ARL10: variants seen among roughly 807,000 people sequenced by gnomAD.
ARL10 encodes ADP-ribosylation factor-like protein 10.
In ARL10, 23 loss-of-function variants were observed where a neutral mutation model predicts 26.1. The observed-to-expected ratio is 0.88, with a 90% CI of 0.63 to 1.25. ARL10 has a LOEUF of 1.25. ARL10 is among the 50% of genes most tolerant of loss of function. The pLI is 0.00. For missense variants in ARL10, 300 were observed against 323.6 expected (o/e 0.93, Z 0.56); for synonymous variants, 138 against 149.1 (o/e 0.93, Z 0.54).
At chr5:176,392,058 A>T (rs924927313), downstream of ARL10, among the ~76,000 whole-genome samples, 1 of 152,222 alleles carries the variant, frequency 6.6e-6, no homozygotes, top group African/African-American at 2.4e-5. This position sits in a 1 kb window ranked among gnomAD's most constrained non-coding sequence, Gnocchi z 5.2. Context: ...AGCGAAATAC[A>T]CAGGGCAGTG....
downstream of ARL10, among the ~76,000 whole-genome samples, chr5:176,402,293 G>A (rs539910658): frequency 6.6e-6 from 1 of 152,318 alleles, no homozygotes; most frequent in Admixed American, 6.5e-5. Flanking sequence ...GCGAGACTCT[G>A]TCTCAAAAAA....
chr5:176,365,524 C>A lies in ARL10; in HGVS notation c.-40C>A, dbSNP rs1768247584. ...GCCATCTTCGGCGGGCGAGTGGGCT[C>A]GGCCTGTGCAACCCGCACCTGCGTC... On this transcript the variant is annotated 5_prime_UTR_variant, in exon 1 of 4. Coordinates refer to ENST00000310389, the MANE Select transcript of ARL10 (RefSeq NM_173664.6). 2 of 1,215,732 alleles carry A rather than the reference C, an allele frequency of 1.6e-6. No homozygotes were observed. The highest frequency in any genetic ancestry group is 2.0e-6 in the Non-Finnish European group (2 of 977,266). The allele number at this position is 1,215,732 out of a possible 1,614,324, so 75.3% of individuals were successfully genotyped here.
chr5:176,394,850 ACT>A (rs544288973), intron 1 of ARL10, among the ~76,000 whole-genome samples: 1 of 151,280 alleles, frequency 6.6e-6, no homozygotes, highest in South Asian at 2.1e-4. Context: ...CCTGGTCTAT[ACT>A]CTCTCTTCAG....
intron 1 of ARL10, 139 bp from the exon 2 acceptor site, chr5:176,366,241 G>A (rs1357001112): frequency 2.0e-6 from 2 of 1,006,972 alleles, no homozygotes; most frequent in East Asian, 5.3e-5. Flanking sequence ...GGCGGCGTTC[G>A]TCCCACTCAT....
At chr5:176,390,112 G>A (rs936526256), downstream of ARL10, among the ~76,000 whole-genome samples, 75 of 150,608 alleles carry the variant, frequency 5.0e-4, no homozygotes, top group African/African-American at 1.7e-3. Flanking sequence ...AACCCGGGAG[G>A]CGGAGGTTGT....
At chr5:176,369,845 G>A (rs1768478245) in intron 3 of ARL10, among the ~76,000 whole-genome samples, 1 of 151,804 alleles carries the variant, frequency 6.6e-6, no homozygotes, top group African/African-American at 2.4e-5. Context: ...TATAGTGCCA[G>A]CTACTTTAGA....
intron 1 of ARL10, chr5:176,397,466 G>GC (rs1756588141): frequency 2.5e-6 from 1 of 396,218 alleles, no homozygotes; most frequent in South Asian, 3.5e-5. Flanking sequence ...TGTCCCCACG[G>GC]CCCCCTCATG....
downstream of ARL10, chr5:176,392,780 G>T (rs745895095): frequency 1.3e-5 from 21 of 1,614,060 alleles, no homozygotes; most frequent in South Asian, 3.3e-5. The surrounding 1 kb of genome is among the most constrained non-coding windows in gnomAD (Gnocchi z 5.2). Flanking sequence ...GCACCTAGCG[G>T]GACAGTGGCG....
rs942726687 is a variant in ARL10 at position 176,375,342 on chromosome 5, CCCATCCATCCAT to C, written c.*3461_*3472del. 1 of 110,268 alleles carries C rather than the reference CCCATCCATCCAT, an allele frequency of 9.1e-6. No individual in the cohort carries two copies. The highest frequency in any genetic ancestry group is 3.2e-4 in the South Asian group (1 of 3,096). The allele number at this position is 110,268 out of a possible 1,614,324, so 6.8% of individuals were successfully genotyped here. Reference sequence around the variant, plus strand: ...CATCCATCCATCCATCCATCATCCACCCATCCATCCATCCATCCATCCATCTGTGGCTTCTAC... The same window carrying C: ...CATCCATCCATCCATCCATCATCCACCCATCCATCCATCTGTGGCTTCTAC... On this transcript the variant is annotated 3_prime_UTR_variant, in exon 4 of 4. Transcript: ENST00000310389.
Position 176,371,813 on chromosome 5 carries a change from C to T in ARL10, c.653C>T (p.Ala218Val). The change falls in exon 4 of 4, where the codon GCC becomes GTC. Residue 218 changes from alanine (A) to valine (V), a missense_variant. Physicochemically the swap from Ala to Val is moderately conservative, Grantham distance 64 (BLOSUM62 0). Transcript: ENST00000310389. ...CAGCGGGAGGTTTTCCTCTTGGCAG[C>T]CAGCATTGCCCCTGCAGGACCCACC... ...DNQREVFLLA[A>V]SIAPAGPTFE... is the part of the protein sequence containing the mutation. 1 of 1,614,194 alleles carries T rather than the reference C, an allele frequency of 6.2e-7. No individual in the cohort carries two copies. The highest frequency in any genetic ancestry group is 1.1e-5 in the South Asian group (1 of 91,084).
intron 1 of ARL10, among the ~76,000 whole-genome samples, chr5:176,394,645 T>C (rs1442215611): frequency 1.7e-5 from 2 of 115,898 alleles, no homozygotes; most frequent in African/African-American, 2.9e-5. Context: ...AAACCCCGTC[T>C]CTACTAAAAA....
chr5:176,372,176 T>G lies in ARL10; in HGVS notation c.*281T>G. The G allele has an allele frequency of 9.6e-7, 1 of 1,045,388 alleles. No homozygotes were observed. Among genetic ancestry groups the G allele is most frequent in the Non-Finnish European group, 1.3e-6 (1 of 788,116 alleles). 64.8% of individuals were successfully genotyped at this position (1,045,388 alleles called of 1,614,324 possible). ...AATGTGGATCCAGCTTTCCCTTCTC[T>G]TACCTGTACAGTGAGATGCTCAGTG... On this transcript the variant is annotated 3_prime_UTR_variant, in exon 4 of 4. Transcript: ENST00000310389.
downstream of ARL10, chr5:176,406,611 T>C (rs975122386): frequency 7.8e-7 from 1 of 1,289,278 alleles, no homozygotes; most frequent in Non-Finnish European, 1.0e-6. Flanking sequence ...TCCCTGCCCC[T>C]GGCTGTGCCA....
downstream of ARL10, among the ~76,000 whole-genome samples, chr5:176,392,219 C>G (rs897751443): frequency 1.3e-5 from 2 of 152,176 alleles, no homozygotes; most frequent in Non-Finnish European, 2.9e-5. This position sits in a 1 kb window ranked among gnomAD's most constrained non-coding sequence, Gnocchi z 5.2. Flanking sequence ...CCTCTGGGAA[C>G]CTTGGTGTCC....
chr5:176,390,285 T>G (rs561121752), downstream of ARL10, among the ~76,000 whole-genome samples: 3 of 151,198 alleles, frequency 2.0e-5, no homozygotes, highest in East Asian at 3.9e-4. Context: ...TAGCCAGCAG[T>G]TTTTCAGACT....
At chr5:176,386,185 T>C (rs948712685), downstream of ARL10, 1 of 156,052 alleles carries the variant, frequency 6.4e-6, no homozygotes, top group Admixed American at 6.2e-5. Context: ...AACCACATTT[T>C]AAAATTTTTA....
rs373443716 is a variant in ARL10 at position 176,387,165 on chromosome 5, C to G, written c.37-1130C>G. ...GTGGCACAATCTTGGTTGACTGCAA[C>G]CTCCCCCCGGGTTCAAGTGATCTCC... On this transcript the variant is annotated intron_variant, in intron 1 of 1. Transcript: ENST00000503175. 2.0e-5 allele frequency among the ~76,000 whole-genome samples: 3 copies of G among 151,976 alleles called. No homozygotes were observed. In the East Asian group the frequency reaches 5.8e-4, roughly 29 times the overall value.
chr5:176,395,036 C>T (rs908186307), intron 1 of ARL10, among the ~76,000 whole-genome samples: 3 of 152,202 alleles, frequency 2.0e-5, no homozygotes, highest in Admixed American at 2.0e-4. Flanking sequence ...GCACAACAGG[C>T]GCTTTGCAAC....
At chr5:176,402,187 A>C (rs1012900951), downstream of ARL10, among the ~76,000 whole-genome samples, 1 of 152,192 alleles carries the variant, frequency 6.6e-6, no homozygotes, top group Non-Finnish European at 1.5e-5. Context: ...CTGTAATCCC[A>C]GCTACTCAGG....
Sources: gnomAD v4.1 joint callset for allele counts (sites outside exome capture counted in the v4.1 genomes callset) on GRCh38, gnomAD v4.1.1 for gene constraint, Gnocchi (gnomAD v3.1) non-coding constraint, MANE v1.5 for transcripts, NCBI Gene and HGNC (gene_info 2026-07-23, HGNC 2026-07-21) for gene names.